The following CDH12 variants were observed in gnomAD, a reference collection of about 807,000 sequenced individuals.
CDH12 encodes the protein cadherin-12.
In CDH12, 41 loss-of-function variants were observed where a neutral mutation model predicts 74.1. The observed-to-expected ratio is 0.55, with a 90% CI of 0.43 to 0.72. The LOEUF is 0.72. Among genes scored for constraint, CDH12 ranks in the 30% least tolerant of loss-of-function variants. The pLI, the probability that CDH12 is intolerant of heterozygous loss-of-function variation, is 0.00. For synonymous variants in CDH12, 399 were observed against 355.0 expected (o/e 1.12, Z -1.39); for missense variants, 945 against 977.2 (o/e 0.97, Z 0.44).
intron 3 of CDH12, among the ~76,000 whole-genome samples, chr5:22,375,723 C>A (rs947496581): frequency 6.6e-6 from 1 of 151,516 alleles, no homozygotes; most frequent in Non-Finnish European, 1.5e-5. Flanking sequence ...CAGGGAAATG[C>A]GACTCAAAAC....
chr5:22,010,085 G>C (rs930028643), intron 5 of CDH12, among the ~76,000 whole-genome samples: 3 of 151,886 alleles, frequency 2.0e-5, no homozygotes, highest in African/African-American at 7.3e-5. Flanking sequence ...TGGGCTCTTT[G>C]ACTAAAACTA....
chr5:21,816,850 A>T, intron 9 of CDH12, 95 bp downstream of exon 9: 1 of 898,730 alleles, frequency 1.1e-6, no homozygotes, highest in Non-Finnish European at 1.6e-6. Flanking sequence ...TGCTAATTGA[A>T]GGAAAATTAA....
intron 2 of CDH12, among the ~76,000 whole-genome samples, chr5:22,467,962 C>T (rs1349936072): frequency 1.3e-5 from 2 of 152,274 alleles, no homozygotes; most frequent in African/African-American, 2.4e-5. Context: ...GGTCCCCTTC[C>T]TTAGTCTGAT....
intron 3 of CDH12, among the ~76,000 whole-genome samples, chr5:22,231,979 G>A (rs1008147979): frequency 6.6e-6 from 1 of 151,706 alleles, no homozygotes; most frequent in South Asian, 2.1e-4. Context: ...AACTATTTTC[G>A]AAGATATTTT....
At chr5:22,392,181 G>T (rs1663322) in intron 3 of CDH12, among the ~76,000 whole-genome samples, 1 of 152,040 alleles carries the variant, frequency 6.6e-6, no homozygotes, top group Non-Finnish European at 1.5e-5. Context: ...ACATGAATGA[G>T]TAAGCTTCCT....
chr5:22,825,415 T>C (rs914659327), intron 1 of CDH12, among the ~76,000 whole-genome samples: 4 of 152,130 alleles, frequency 2.6e-5, no homozygotes, highest in African/African-American at 9.7e-5. Flanking sequence ...AGTGAGAAGA[T>C]GATATTTAAA....
chr5:22,024,833 A>G (rs1182866003), intron 5 of CDH12, among the ~76,000 whole-genome samples: 2 of 152,172 alleles, frequency 1.3e-5, no homozygotes, highest in African/African-American at 4.8e-5. Context: ...TTAAATTAGT[A>G]CACAGAAAAT....
chr5:21,896,897 A>G (rs1195997659), intron 6 of CDH12, among the ~76,000 whole-genome samples: 1 of 152,174 alleles, frequency 6.6e-6, no homozygotes, highest in Non-Finnish European at 1.5e-5. Context: ...AAAAGTCTCA[A>G]TTTAGTATGT....
chr5:22,782,249 A>C (rs1747420532), intron 1 of CDH12, among the ~76,000 whole-genome samples: 1 of 152,070 alleles, frequency 6.6e-6, no homozygotes, highest in Non-Finnish European at 1.5e-5. Context: ...CAGGTGAAGA[A>C]TAATATGGTT....
At chr5:22,316,551 C>A (rs892680531) in intron 3 of CDH12, among the ~76,000 whole-genome samples, 1 of 151,954 alleles carries the variant, frequency 6.6e-6, no homozygotes, top group Admixed American at 6.6e-5. Flanking sequence ...CAAAAACAAC[C>A]AAATACATGA....
At chr5:22,490,788 A>G (rs1166493618) in intron 2 of CDH12, among the ~76,000 whole-genome samples, 1 of 152,188 alleles carries the variant, frequency 6.6e-6, no homozygotes, top group African/African-American at 2.4e-5. Flanking sequence ...GTGAAAATGT[A>G]GGGAGAACTA....
chr5:22,255,552 A>G (rs1279647456), intron 3 of CDH12, among the ~76,000 whole-genome samples: 1 of 151,748 alleles, frequency 6.6e-6, no homozygotes, highest in Non-Finnish European at 1.5e-5. Flanking sequence ...CAAATAACAT[A>G]AAGATTACTA....
chr5:22,585,228 A>G (rs1313844465), intron 1 of CDH12, among the ~76,000 whole-genome samples: 1 of 152,178 alleles, frequency 6.6e-6, no homozygotes, highest in Non-Finnish European at 1.5e-5. Context: ...ATTTAATTCC[A>G]CTATGTCTTC....
chr5:21,998,799 T>G (rs1381637394), intron 5 of CDH12, among the ~76,000 whole-genome samples: 1 of 152,274 alleles, frequency 6.6e-6, no homozygotes, highest in East Asian at 1.9e-4. Flanking sequence ...CTACCCTTCA[T>G]TGCATGATAG....
intron 2 of CDH12, among the ~76,000 whole-genome samples, chr5:22,468,667 C>T (rs1014238224): frequency 3.9e-5 from 6 of 151,984 alleles, no homozygotes; most frequent in African/African-American, 1.4e-4. Context: ...ACCTATAAAA[C>T]ATTTTTATCT....
chr5:22,117,512 A>AATATATATATAATATATATATAAT (rs1745236375), intron 4 of CDH12, among the ~76,000 whole-genome samples: 1 of 58,616 alleles, frequency 1.7e-5, no homozygotes, highest in Non-Finnish European at 3.0e-5. Context: ...ATATATATAT[A>AATATATATATAATATATATATAAT]ATATATATAT....
At chr5:22,106,395 A>G (rs2150255352) in intron 4 of CDH12, among the ~76,000 whole-genome samples, 1 of 152,296 alleles carries the variant, frequency 6.6e-6, no homozygotes, top group Middle Eastern at 3.4e-3. Context: ...GACATACAGG[A>G]TAAGGTAGAT....
rs574118189 is a variant in CDH12 at position 22,595,904 on chromosome 5, C to T, written c.-522-90540G>A. ...CATCCTGGCTAACACGGTGAAACCCCGTCTCTACTAAAAATAAATAAATAA... is the reference window on the plus strand; with the variant it reads ...CATCCTGGCTAACACGGTGAAACCCTGTCTCTACTAAAAATAAATAAATAA... On this transcript the variant is annotated intron_variant, in intron 1 of 14. Coordinates refer to ENST00000382254, the MANE Select transcript of CDH12 (RefSeq NM_004061.5). 6.6e-5 allele frequency among the ~76,000 whole-genome samples: 10 copies of T among 151,170 alleles called. No individual in the cohort carries two copies. In the East Asian group the frequency reaches 1.2e-3, roughly 18 times the overall value.
chr5:22,125,744 T>C (rs1446552262), intron 4 of CDH12, among the ~76,000 whole-genome samples: 2 of 152,174 alleles, frequency 1.3e-5, no homozygotes, highest in Non-Finnish European at 2.9e-5. Context: ...TTTCCTCAAG[T>C]AGCCTGCACG....
Sources: gnomAD v4.1 joint callset for allele counts (sites outside exome capture counted in the v4.1 genomes callset) on GRCh38, gnomAD v4.1.1 for gene constraint, MANE v1.5 for transcripts, NCBI Gene and HGNC (gene_info 2026-07-23, HGNC 2026-07-21) for gene names.